The following ZMYND8 variants were observed in gnomAD, a reference collection of about 807,000 sequenced individuals.
The protein encoded by ZMYND8 is MYND-type zinc finger-containing chromatin reader ZMYND8.
Under a neutral mutation model 140.8 loss-of-function variants are expected in ZMYND8, and 37 were observed. That is an observed-to-expected ratio of 0.26 (90% CI 0.20 to 0.35). ZMYND8 has a LOEUF of 0.35. ZMYND8 is among the 10% of genes least tolerant of loss of function. The pLI is 1.00. For synonymous variants in ZMYND8, 592 were observed against 597.1 expected (o/e 0.99, Z 0.12); for missense variants, 1,068 against 1,570.0 (o/e 0.68, Z 5.40).
intron 10 of ZMYND8, 115 bp from the exon 11 acceptor site, chr20:47,276,910 TAA>T (rs10717572): frequency 0.042 from 21,301 of 507,920 alleles, 64 homozygotes; most frequent in Non-Finnish European, 0.047. Context: ...CTTATTCTAT[TAA>T]AAAAAAAAAA....
At chr20:47,284,498 A>C (rs772296784) in intron 8 of ZMYND8, among the ~76,000 whole-genome samples, 2 of 152,222 alleles carry the variant, frequency 1.3e-5, no homozygotes, top group Non-Finnish European at 1.5e-5. Context: ...CTGAGAAACT[A>C]ACAATGAAGT....
At chr20:47,270,697 G>GAAAA (rs34474269) in intron 11 of ZMYND8, among the ~76,000 whole-genome samples, 62 of 86,322 alleles carry the variant, frequency 7.2e-4, no homozygotes, top group Non-Finnish European at 9.3e-4. Context: ...CCCTGTCTCT[G>GAAAA]AAAAAAAAAA....
chr20:47,272,133 A>G (rs2075990485), intron 11 of ZMYND8, among the ~76,000 whole-genome samples: 1 of 151,364 alleles, frequency 6.6e-6, no homozygotes, highest in African/African-American at 2.4e-5. Flanking sequence ...GCTGGAGTGC[A>G]GTGGTGCGAT....
Position 47,246,537 on chromosome 20 carries a change from C to T in ZMYND8, c.1775-20G>A, listed in dbSNP as rs758856073. Reference sequence around the variant, plus strand: ...TTATGCCTAAATTCAAAAAGAAAACCCAGCATGTGGCGTAGTCACAAAATA... The same window carrying T: ...TTATGCCTAAATTCAAAAAGAAAACTCAGCATGTGGCGTAGTCACAAAATA... On this transcript the variant is annotated intron_variant, in intron 13 of 22. Transcript: ENST00000471951. 7.1e-6 allele frequency: 11 copies of T among 1,551,172 alleles called. No homozygotes were observed. The highest frequency in any genetic ancestry group is 8.7e-6 in the Non-Finnish European group (10 of 1,154,682).
At chr20:47,266,916 C>A (rs2075568674) in intron 11 of ZMYND8, among the ~76,000 whole-genome samples, 2 of 152,040 alleles carry the variant, frequency 1.3e-5, no homozygotes, top group African/African-American at 4.8e-5. Flanking sequence ...AAGTACCTAT[C>A]CAAAATTGAA....
intron 3 of ZMYND8, among the ~76,000 whole-genome samples, chr20:47,305,243 CTTTT>C (rs371029817): frequency 6.9e-6 from 1 of 145,352 alleles, no homozygotes; most frequent in Non-Finnish European, 1.5e-5. Flanking sequence ...AGCCCTGCCT[CTTTT>C]TTTTTTTTCT....
chr20:47,292,938 C>CTA (rs1283073127), intron 5 of ZMYND8, among the ~76,000 whole-genome samples: 1 of 151,330 alleles, frequency 6.6e-6, no homozygotes, highest in African/African-American at 2.4e-5. Context: ...GTGTGTGCAT[C>CTA]TATAGTTCCA....
At chr20:47,299,492 C>T (rs541719569) in intron 3 of ZMYND8, among the ~76,000 whole-genome samples, 14 of 152,282 alleles carry the variant, frequency 9.2e-5, no homozygotes, top group Non-Finnish European at 2.1e-4. Context: ...TAGTAGTTTG[C>T]CCTGGGATTC....
intron 11 of ZMYND8, 54 bp from the exon 12 acceptor site, chr20:47,262,482 G>A (rs926547967): frequency 2.1e-5 from 34 of 1,607,682 alleles, no homozygotes; most frequent in South Asian, 7.7e-5. Flanking sequence ...CAAGTAGAAC[G>A]TGTAGGTGTG....
At chr20:47,303,875 C>T (rs560874483) in intron 3 of ZMYND8, among the ~76,000 whole-genome samples, 3 of 152,258 alleles carry the variant, frequency 2.0e-5, no homozygotes, top group East Asian at 1.9e-4. Flanking sequence ...AGGAGGATCC[C>T]GAGGACTGCC....
At chr20:47,232,655 C>T (rs539538131) in intron 16 of ZMYND8, among the ~76,000 whole-genome samples, 10 of 152,244 alleles carry the variant, frequency 6.6e-5, no homozygotes, top group Admixed American at 2.0e-4. Flanking sequence ...ACTCAGTAGG[C>T]CTCAGCTTTC....
chr20:47,308,904 C>G (rs1027943031), intron 3 of ZMYND8, among the ~76,000 whole-genome samples: 1 of 152,226 alleles, frequency 6.6e-6, no homozygotes, highest in African/African-American at 2.4e-5. Flanking sequence ...CCAGGGCCCA[C>G]TCCTCTACTC....
chr20:47,279,224 C>T (rs1303425045), intron 10 of ZMYND8, among the ~76,000 whole-genome samples: 1 of 152,128 alleles, frequency 6.6e-6, no homozygotes, highest in Non-Finnish European at 1.5e-5. Context: ...AATCCCAGCA[C>T]TTGGGGAGGC....
chr20:47,243,321 G>A lies in ZMYND8; in HGVS notation c.2284+2687C>T, dbSNP rs183353906. 2.0e-4 allele frequency among the ~76,000 whole-genome samples: 30 copies of A among 152,292 alleles called. No homozygotes were observed. The East Asian group carries it at 4.8e-3, about 24-fold the overall frequency. On this transcript the variant is annotated intron_variant, in intron 14 of 22. Coordinates refer to ENST00000471951, the MANE Select transcript of ZMYND8 (RefSeq NM_001281775.3). ...TTTTTCAAGACCCAAACCACCATCAGCTCTGAATTTAAGATCAATTGGTTT... is the reference window on the plus strand; with the variant it reads ...TTTTTCAAGACCCAAACCACCATCAACTCTGAATTTAAGATCAATTGGTTT...
At chr20:47,254,235 C>T (rs779170209) in intron 12 of ZMYND8, among the ~76,000 whole-genome samples, 2 of 152,228 alleles carry the variant, frequency 1.3e-5, no homozygotes, top group Admixed American at 1.3e-4. Context: ...AAAATACTCA[C>T]GCTAGAGAAA....
At chr20:47,293,153 AGGGAGGGAGGGAGGGAGGG>A (rs1569119141) in intron 5 of ZMYND8, among the ~76,000 whole-genome samples, 813 of 47,640 alleles carry the variant, frequency 0.017, 13 homozygotes, top group African/African-American at 0.069. Context: ...GAAGGAAGGG[AGGGAGGGAGGGAGGGAGGG>A]AGGGAGGGAG....
At chr20:47,351,083 A>G (rs897009665) in intron 1 of ZMYND8, among the ~76,000 whole-genome samples, 5 of 152,204 alleles carry the variant, frequency 3.3e-5, no homozygotes, top group Admixed American at 3.3e-4. Flanking sequence ...CCCATCCCAA[A>G]AAGAATAAAA....
intron 11 of ZMYND8, among the ~76,000 whole-genome samples, chr20:47,263,431 C>T (rs1480841239): frequency 6.7e-6 from 1 of 149,488 alleles, no homozygotes; most frequent in Admixed American, 6.7e-5. Flanking sequence ...GTGTGGGCAG[C>T]ACTTGCCTCA....
intron 2 of ZMYND8, among the ~76,000 whole-genome samples, chr20:47,335,270 G>A (rs1021122493): frequency 4.0e-5 from 6 of 151,854 alleles, no homozygotes; most frequent in African/African-American, 1.5e-4. Context: ...AAAAAAAGGA[G>A]AATTGTATGG....
Sources: allele counts gnomAD v4.1 joint callset (sites outside exome capture counted in the v4.1 genomes callset), GRCh38; gene constraint gnomAD v4.1.1; transcripts MANE v1.5; gene names NCBI Gene and HGNC (gene_info 2026-07-23, HGNC 2026-07-21).